The following CSMD1 variants were observed in gnomAD, a reference collection of about 807,000 sequenced individuals.
The protein encoded by CSMD1 is CUB and sushi domain-containing protein 1.
A neutral mutation model predicts 417.5 loss-of-function variants in CSMD1; 213 were observed. The observed-to-expected ratio is 0.51, with a 90% CI of 0.46 to 0.57. The LOEUF is 0.57. Among genes scored for constraint, CSMD1 ranks in the 20% least tolerant of loss-of-function variants. CSMD1 has a pLI of 0.00. For synonymous variants in CSMD1, 2,862 were observed against 1,736.8 expected (o/e 1.65, Z -16.11); for missense variants, 6,923 against 4,529.7 (o/e 1.53, Z -15.17).
intron 5 of CSMD1, among the ~76,000 whole-genome samples, chr8:3,896,693 T>C (rs934674582): frequency 6.6e-6 from 1 of 151,936 alleles, no homozygotes; most frequent in African/African-American, 2.4e-5. Context: ...CTTATTTTTA[T>C]TGGAGACGGG....
At chr8:3,706,888 AT>A (rs1801199125) in intron 7 of CSMD1, among the ~76,000 whole-genome samples, 1 of 152,228 alleles carries the variant, frequency 6.6e-6, no homozygotes, top group Non-Finnish European at 1.5e-5. Flanking sequence ...TGTTTCTCAG[AT>A]TTTTTTCCCT....
intron 5 of CSMD1, among the ~76,000 whole-genome samples, chr8:3,833,422 A>T (rs116488354): frequency 0.037 from 5,647 of 152,168 alleles, 318 homozygotes; most frequent in African/African-American, 0.12. Flanking sequence ...TAATTTTGCC[A>T]TATTTTATAT....
At chr8:3,491,446 G>C (rs1449224430) in intron 11 of CSMD1, among the ~76,000 whole-genome samples, 2 of 152,134 alleles carry the variant, frequency 1.3e-5, no homozygotes, top group Non-Finnish European at 2.9e-5. Context: ...ATACATAAAA[G>C]TTAGCTAGGA....
chr8:4,761,034 T>A (rs529666564), intron 1 of CSMD1, among the ~76,000 whole-genome samples: 2 of 152,296 alleles, frequency 1.3e-5, no homozygotes, highest in East Asian at 3.9e-4. Context: ...GAATACACAG[T>A]ATGTTGTATC....
At chr8:4,382,208 A>G (rs1344670302) in intron 3 of CSMD1, among the ~76,000 whole-genome samples, 3 of 152,328 alleles carry the variant, frequency 2.0e-5, no homozygotes, top group Non-Finnish European at 4.4e-5. Flanking sequence ...ATCCCCTTCA[A>G]ATGGAAACTC....
At chr8:3,568,312 G>A (rs1371985678) in intron 10 of CSMD1, among the ~76,000 whole-genome samples, 1 of 152,084 alleles carries the variant, frequency 6.6e-6, no homozygotes, top group Non-Finnish European at 1.5e-5. Flanking sequence ...GTCAATGGCA[G>A]AATTTCCTTC....
intron 1 of CSMD1, among the ~76,000 whole-genome samples, chr8:4,711,774 TTTTTTG>T (rs1656559694): frequency 6.6e-6 from 1 of 152,174 alleles, no homozygotes; most frequent in South Asian, 2.1e-4. Flanking sequence ...TTTGCTTTTG[TTTTTTG>T]TTTTTAATTT....
chr8:3,456,155 T>C (rs1257897548), intron 12 of CSMD1, among the ~76,000 whole-genome samples: 2 of 152,174 alleles, frequency 1.3e-5, no homozygotes, highest in Non-Finnish European at 1.5e-5. Flanking sequence ...CTAAGACCTT[T>C]AGAAAAGCAC....
intron 5 of CSMD1, among the ~76,000 whole-genome samples, chr8:3,846,075 T>G (rs771976935): frequency 4.9e-5 from 7 of 141,940 alleles, no homozygotes; most frequent in Non-Finnish European, 7.9e-5. Context: ...AAAAAAATAA[T>G]AAGCAGCAGT....
At chr8:3,525,679 G>A (rs967402769) in intron 10 of CSMD1, among the ~76,000 whole-genome samples, 1 of 152,140 alleles carries the variant, frequency 6.6e-6, no homozygotes, top group African/African-American at 2.4e-5. Context: ...ATTAAATGCT[G>A]CTCTATGTAC....
chr8:4,427,141 G>A (rs1442027303), intron 2 of CSMD1, among the ~76,000 whole-genome samples: 1 of 150,910 alleles, frequency 6.6e-6, no homozygotes, highest in Non-Finnish European at 1.5e-5. Flanking sequence ...TGCCAGGTAG[G>A]GGTGGTGAGG....
intron 5 of CSMD1, among the ~76,000 whole-genome samples, chr8:3,779,923 C>T (rs1269096463): frequency 6.6e-6 from 1 of 152,148 alleles, no homozygotes; most frequent in Non-Finnish European, 1.5e-5. Context: ...AGATCCACTG[C>T]TTGTCTTAAC....
intron 2 of CSMD1, among the ~76,000 whole-genome samples, chr8:4,504,717 G>C (rs1024945259): frequency 1.3e-5 from 2 of 152,074 alleles, no homozygotes; most frequent in Admixed American, 6.5e-5. Context: ...CCACTTATGA[G>C]TCAGAACATG....
At position 3,038,994 on chromosome 8, in the gene CSMD1, C is replaced by A. The variant is rs890869860; in HGVS notation, c.7661-9481G>T. Among the ~76,000 whole-genome samples, 3 of 152,008 alleles carry A rather than the reference C, an allele frequency of 2.0e-5. No individual in the cohort carries two copies. In the East Asian group the frequency reaches 5.8e-4, roughly 29 times the overall value. ...TAAGAAATTCTACAAGAATAGATGG[C>A]GACAAGCAGACTAGGTCAACTCTTG... On this transcript the variant is annotated intron_variant, in intron 50 of 69. Transcript: ENST00000635120.
At chr8:4,122,939 GC>G (rs1205610752) in intron 3 of CSMD1, among the ~76,000 whole-genome samples, 1 of 152,182 alleles carries the variant, frequency 6.6e-6, no homozygotes, top group Non-Finnish European at 1.5e-5. Context: ...TAAATTCTAG[GC>G]TACTGCAAAG....
At chr8:3,256,435 G>A (rs1800661547) in intron 26 of CSMD1, among the ~76,000 whole-genome samples, 1 of 152,012 alleles carries the variant, frequency 6.6e-6, no homozygotes, top group African/African-American at 2.4e-5. Context: ...CCCGAAATAA[G>A]TTCATTGTCC....
intron 10 of CSMD1, among the ~76,000 whole-genome samples, chr8:3,511,091 G>A (rs938039736): frequency 1.3e-4 from 19 of 151,762 alleles, no homozygotes; most frequent in African/African-American, 4.1e-4. Context: ...GGACATGGAT[G>A]AAGCTGGAAA....
intron 1 of CSMD1, among the ~76,000 whole-genome samples, chr8:4,975,005 T>G (rs551995826): frequency 6.6e-6 from 1 of 152,230 alleles, no homozygotes; most frequent in South Asian, 2.1e-4. Flanking sequence ...AAATGGATGT[T>G]TTTTTCTAGA....
chr8:4,715,682 TC>T (rs1808607414), intron 1 of CSMD1, among the ~76,000 whole-genome samples: 1 of 152,162 alleles, frequency 6.6e-6, no homozygotes, highest in Non-Finnish European at 1.5e-5. Context: ...TGGCAACTGT[TC>T]CCTTCTAGGC....
Sources: gnomAD v4.1 joint callset for allele counts (sites outside exome capture counted in the v4.1 genomes callset) on GRCh38, gnomAD v4.1.1 for gene constraint, MANE v1.5 for transcripts, NCBI Gene and HGNC (gene_info 2026-07-23, HGNC 2026-07-21) for gene names.